The following RUFY3 variants were observed in gnomAD, a reference collection of about 807,000 sequenced individuals.
The protein encoded by RUFY3 is RUN and FYVE domain containing 3.
RUFY3 carries 34 observed loss-of-function variants against 84.0 expected under a neutral mutation model. That is an observed-to-expected ratio of 0.40 (90% confidence interval 0.31 to 0.54). The LOEUF is 0.54. Ranked by LOEUF, RUFY3 falls within the 20% of genes least tolerant of loss-of-function variation. The pLI is 0.39. For missense variants in RUFY3, 507 were observed against 736.8 expected (o/e 0.69, Z 3.61); for synonymous variants, 242 against 252.9 (o/e 0.96, Z 0.41).
intron 15 of RUFY3, among the ~76,000 whole-genome samples, chr4:70,802,034 A>C (rs1732295795): frequency 6.6e-6 from 1 of 152,342 alleles, no homozygotes; most frequent in Admixed American, 6.5e-5. Flanking sequence ...TTATCTCCTT[A>C]TGATTCAGTA....
chr4:70,759,389 T>C (rs1270730783), intron 1 of RUFY3, among the ~76,000 whole-genome samples: 3 of 151,886 alleles, frequency 2.0e-5, no homozygotes, highest in Admixed American at 2.0e-4. Flanking sequence ...TGTGTGTGTG[T>C]GTGTGTGTGT....
exon 1 of RUFY3, chr4:70,704,951 G>A: frequency 8.2e-7 from 1 of 1,225,748 alleles, no homozygotes; most frequent in Non-Finnish European, 1.0e-6. Flanking sequence ...CTGAGACCCC[G>A]CCGCCGCCCA....
intron 1 of RUFY3, among the ~76,000 whole-genome samples, chr4:70,759,600 C>T (rs1234638852): frequency 6.6e-6 from 1 of 152,144 alleles, no homozygotes; most frequent in Non-Finnish European, 1.5e-5. Context: ...AACCTCCGTA[C>T]AGTTTTCCAT....
At chr4:70,752,958 AGTCT>A (rs1723372567) in intron 1 of RUFY3, among the ~76,000 whole-genome samples, 1 of 152,218 alleles carries the variant, frequency 6.6e-6, no homozygotes, top group African/African-American at 2.4e-5. Flanking sequence ...TTTTTGGAAT[AGTCT>A]GTCAAGGATT....
At chr4:70,704,350 T>TA (rs1740009724), upstream of RUFY3, 1 of 152,188 alleles carries the variant, frequency 6.6e-6, no homozygotes, top group Admixed American at 6.5e-5. Flanking sequence ...AGGCAAATGG[T>TA]ACAGTTTAAT....
intron 4 of RUFY3, among the ~76,000 whole-genome samples, chr4:70,766,500 C>G (rs992706668): frequency 6.6e-6 from 1 of 152,216 alleles, no homozygotes; most frequent in Non-Finnish European, 1.5e-5. Context: ...CTGCCTCAGC[C>G]TCCCAAAGTG....
chr4:70,762,431 C>T (rs1725192298), intron 1 of RUFY3, 88 bp from the exon 2 acceptor site: 2 of 1,195,652 alleles, frequency 1.7e-6, no homozygotes, highest in South Asian at 1.6e-5. Flanking sequence ...ACAGTGAGTA[C>T]ATGGTGGAGA....
At chr4:70,778,465 CT>C in intron 8 of RUFY3, 27 bp downstream of exon 8, 1 of 1,339,168 alleles carries the variant, frequency 7.5e-7, no homozygotes, top group African/African-American at 1.5e-5. Context: ...CTTTGATTGA[CT>C]TATAGAATTT....
chr4:70,705,883 C>A (rs1467408565), intron 1 of RUFY3, among the ~76,000 whole-genome samples: 1 of 152,164 alleles, frequency 6.6e-6, no homozygotes, highest in East Asian at 1.9e-4. Flanking sequence ...AGATCCGTCC[C>A]CCGGATTGGA....
At chr4:70,743,282 G>C (rs1468291843) in intron 1 of RUFY3, among the ~76,000 whole-genome samples, 1 of 152,006 alleles carries the variant, frequency 6.6e-6, no homozygotes, top group Admixed American at 6.6e-5. Context: ...ATGTTGGCCA[G>C]GCTGGTCTCG....
exon 1 of RUFY3, chr4:70,704,935 G>A (rs1740082495): frequency 1.6e-6 from 2 of 1,224,586 alleles, no homozygotes; most frequent in African/African-American, 1.6e-5. Context: ...GAAGGAGTGA[G>A]CATGGCTGAG....
chr4:70,783,387 C>A (rs957000736), intron 9 of RUFY3, among the ~76,000 whole-genome samples: 4 of 152,184 alleles, frequency 2.6e-5, no homozygotes, highest in Non-Finnish European at 5.9e-5. Context: ...TCACAGCCAC[C>A]TACATCTGTT....
intron 1 of RUFY3, among the ~76,000 whole-genome samples, chr4:70,715,449 TG>T (rs146059795): frequency 0.049 from 7,452 of 151,454 alleles, 248 homozygotes; most frequent in Middle Eastern, 0.079. Flanking sequence ...CCAGGTCCGG[TG>T]GTGTGTGCCC....
chr4:70,789,512 A>G lies in RUFY3; in HGVS notation c.1257A>G (p.Val419=). ...CATAACAGAGTTCAGACTTAGGAGT[A>G]AAACAGAAAAGTGAACTAAACAGTC... is the stretch of plus-strand genomic sequence containing the variant. ...AFKLQSSDLG[V]KQKSELNSRL... is the part of the protein sequence containing the mutation. Residue 419 remains valine, a synonymous_variant, in exon 12 of 18, where the codon GTA becomes GTG. Coordinates refer to ENST00000381006, the MANE Select transcript of RUFY3 (RefSeq NM_001037442.4). The G allele has an allele frequency of 6.2e-7, 1 of 1,612,610 alleles. No homozygotes were observed. The highest frequency in any genetic ancestry group is 8.5e-7 in the Non-Finnish European group (1 of 1,179,170).
At chr4:70,791,491 G>T in intron 12 of RUFY3, 1 of 1,371,092 alleles carries the variant, frequency 7.3e-7, no homozygotes, top group Non-Finnish European at 9.4e-7. Flanking sequence ...TTCTCCCCAG[G>T]GTTAGAAAAA....
At chr4:70,716,503 AG>A (rs1741640793) in intron 1 of RUFY3, among the ~76,000 whole-genome samples, 1 of 152,156 alleles carries the variant, frequency 6.6e-6, no homozygotes, top group Non-Finnish European at 1.5e-5. Context: ...AGCAGCCAAA[AG>A]GATAAACTAC....
chr4:70,763,799 A>G lies in RUFY3; in HGVS notation c.470+130A>G. The G allele has an allele frequency of 3.5e-6, 4 of 1,128,512 alleles. No individual in the cohort carries two copies. In the South Asian group the frequency reaches 5.2e-5, roughly 15 times the overall value. 69.9% of individuals were successfully genotyped at this position (1,128,512 alleles called of 1,614,324 possible). ...CAATCCAAAATGCATGATGTCATGA[A>G]TAGGTGCTGACAGGAGAGAATTGGT... On this transcript the variant is annotated intron_variant, in intron 3 of 17. Transcript: ENST00000381006.
chr4:70,762,095 C>A (rs180943256), intron 1 of RUFY3, among the ~76,000 whole-genome samples: 2 of 152,148 alleles, frequency 1.3e-5, no homozygotes, highest in Admixed American at 6.5e-5. Flanking sequence ...GTGGGAATAT[C>A]GCTTCAGCTC....
intron 4 of RUFY3, among the ~76,000 whole-genome samples, chr4:70,767,010 A>G (rs1382920010): frequency 6.6e-6 from 1 of 152,016 alleles, no homozygotes; most frequent in Non-Finnish European, 1.5e-5. Context: ...GGAATCATAG[A>G]GTATATGGCC....
Sources: gnomAD v4.1 joint callset for allele counts (sites outside exome capture counted in the v4.1 genomes callset) on GRCh38, gnomAD v4.1.1 for gene constraint, MANE v1.5 for transcripts, NCBI Gene and HGNC (gene_info 2026-07-23, HGNC 2026-07-21) for gene names.